The following YLPM1 variants were observed in gnomAD, a reference collection of about 807,000 sequenced individuals.
YLPM1 encodes YLP motif-containing protein 1.
Under a neutral mutation model 230.0 loss-of-function variants are expected in YLPM1, and 99 were observed. The observed-to-expected ratio is 0.43, with a 90% CI of 0.37 to 0.51. YLPM1 has a LOEUF of 0.51. YLPM1 is among the 20% of genes least tolerant of loss of function. YLPM1 has a pLI of 0.00. For synonymous variants in YLPM1, 984 were observed against 942.5 expected, an observed-to-expected ratio of 1.04 and a Z score of -0.81; for missense variants, 2,592 against 2,707.7, an observed-to-expected ratio of 0.96 and a Z score of 0.95.
chr14:74,764,155 G>C lies in YLPM1; in HGVS notation c.666G>C (p.Gln222His). ...CGCAATCCTATTTGAGCCATTCCCA[G>C]TCCTACTTGCCCTCTTCTCAGGCAT... ...SSSQSYLSHS[Q>H]SYLPSSQASP... The change falls in exon 1 of 21, where the codon CAG becomes CAC. Residue 222 changes from glutamine to histidine, a missense_variant. This residue lies in a region of YLPM1 where 1,862 missense variants were observed against 1,819.8 expected (regional missense o/e 1.02). Coordinates refer to ENST00000325680, the MANE Select transcript of YLPM1 (RefSeq NM_019589.3). 6.2e-7 allele frequency: 1 copy of C among 1,612,980 alleles called. No individual in the cohort carries two copies. Among genetic ancestry groups the C allele is most frequent in the Non-Finnish European group, 8.5e-7 (1 of 1,179,726 alleles).
chr14:74,829,702 T>C (rs1594848266), intron 19 of YLPM1, among the ~76,000 whole-genome samples: 1 of 151,970 alleles, frequency 6.6e-6, no homozygotes, highest in Non-Finnish European at 1.5e-5. Flanking sequence ...GGTCCAAAGG[T>C]AGATCAAGGG....
At chr14:74,815,864 C>T (rs774647504) in intron 11 of YLPM1, among the ~76,000 whole-genome samples, 1 of 151,964 alleles carries the variant, frequency 6.6e-6, no homozygotes, top group Non-Finnish European at 1.5e-5. Flanking sequence ...TCATTCATCT[C>T]AGAGTATTTT....
At chr14:74,805,453 C>G (rs1046396480) in intron 6 of YLPM1, among the ~76,000 whole-genome samples, 10 of 152,028 alleles carry the variant, frequency 6.6e-5, no homozygotes, top group Admixed American at 5.9e-4. Flanking sequence ...AAGTGATTCT[C>G]TCACCTCAGC....
intron 4 of YLPM1, among the ~76,000 whole-genome samples, chr14:74,795,188 G>T (rs1013602924): frequency 6.6e-6 from 1 of 152,202 alleles, no homozygotes; most frequent in Non-Finnish European, 1.5e-5. Context: ...GTTAGGGTCA[G>T]TTATCCCCAG....
At chr14:74,829,648 A>G (rs1463081319) in intron 19 of YLPM1, among the ~76,000 whole-genome samples, 1 of 152,260 alleles carries the variant, frequency 6.6e-6, no homozygotes, top group East Asian at 1.9e-4. Flanking sequence ...AGAGTAGGGT[A>G]TTGAAGAGAA....
chr14:74,811,519 C>T, intron 9 of YLPM1, 101 bp from the exon 10 acceptor site: 1 of 783,240 alleles, frequency 1.3e-6, no homozygotes, highest in East Asian at 2.9e-5. Flanking sequence ...TGTGGAGTAC[C>T]TTCCTATAGA....
intron 11 of YLPM1, among the ~76,000 whole-genome samples, chr14:74,814,929 G>A (rs1453959565): frequency 6.6e-6 from 1 of 152,132 alleles, no homozygotes; most frequent in Non-Finnish European, 1.5e-5. Context: ...TTGTTTATTT[G>A]TTCTTGAGTA....
intron 4 of YLPM1, among the ~76,000 whole-genome samples, chr14:74,792,651 GT>G (rs2091218177): frequency 6.6e-6 from 1 of 152,182 alleles, no homozygotes; most frequent in Admixed American, 6.5e-5. Flanking sequence ...AAATAATTAT[GT>G]TGCCCTTTTC....
At chr14:74,818,055 CA>C (rs199631116) in intron 15 of YLPM1, among the ~76,000 whole-genome samples, 175 bp from the exon 16 acceptor site, 39 of 134,080 alleles carry the variant, frequency 2.9e-4, no homozygotes, top group Admixed American at 2.2e-4. Flanking sequence ...GATTCTGTCT[CA>C]AAAAAAAAAA....
rs774077639 is a variant in YLPM1 at position 74,798,755 on chromosome 14, G to A, written c.3458G>A (p.Arg1153Gln). ...GGACCACCTCGAGGGCCTGGCAGTC[G>A]AGAAAGGGGACTGGGAAGATCAGAT... ...ERGPPRGPGS[R>Q]ERGLGRSDFG... Residue 1153 changes from arginine (R) to glutamine (Q), a missense_variant, in exon 5 of 21, where the codon CGA becomes CAA. This residue lies in a region of YLPM1 where 1,862 missense variants were observed against 1,819.8 expected (regional missense o/e 1.02). Transcript: ENST00000325680. The A allele has an allele frequency of 8.7e-6, 14 of 1,613,384 alleles. No homozygotes were observed. Among genetic ancestry groups the A allele is most frequent in the African/African-American group, 4.0e-5 (3 of 74,854 alleles).
At position 74,782,076 on chromosome 14, in the gene YLPM1, G is replaced by A. The variant is rs1459553271; in HGVS notation, c.2033G>A (p.Gly678Asp). ...CTGCTTCCTACTCCTGTGTCTTTTG[G>A]TTCTGCCCCACCGACAACTTACCAT... Reference protein sequence around the residue: ...PALLPTPVSFGSAPPTTYHPP... With the variant: ...PALLPTPVSFDSAPPTTYHPP... Residue 678 changes from glycine (G) to aspartate (D), a missense_variant, in exon 4 of 21, where the codon GGT becomes GAT. Physicochemically the swap from Gly to Asp is moderately conservative, Grantham distance 94. Transcript: ENST00000325680. 6.2e-7 allele frequency: 1 copy of A among 1,613,878 alleles called. No individual in the cohort carries two copies. Among genetic ancestry groups the A allele is most frequent in the East Asian group, 2.2e-5 (1 of 44,876 alleles).
rs896853368 is a variant in YLPM1 at position 74,827,596 on chromosome 14, G to A, written c.6164-1617G>A. The A allele has an allele frequency of 2.1e-5, 21 of 985,202 alleles. No homozygotes were observed. The African/African-American group carries it at 3.5e-4, about 16-fold the overall frequency. 61.0% of individuals were successfully genotyped at this position (985,202 alleles called of 1,614,324 possible). On this transcript the variant is annotated intron_variant, in intron 18 of 20. Transcript: ENST00000325680. ...CACTGCCCTTCTGTATTGCTGCCTG[G>A]CTGTGCTCTGTTGTTGGAACTGAAA...
intron 4 of YLPM1, among the ~76,000 whole-genome samples, chr14:74,791,444 C>A (rs1380488012): frequency 1.3e-5 from 2 of 152,188 alleles, no homozygotes; most frequent in African/African-American, 4.8e-5. Context: ...CCTTTCAACC[C>A]TTCTGCCATG....
chr14:74,770,183 A>T (rs577033702), intron 1 of YLPM1, among the ~76,000 whole-genome samples: 45 of 145,244 alleles, frequency 3.1e-4, no homozygotes, highest in Non-Finnish European at 3.7e-4. Flanking sequence ...CTCCGACTCA[A>T]AAAAAAAAAA....
At chr14:74,794,462 G>T (rs556271216) in intron 4 of YLPM1, among the ~76,000 whole-genome samples, 1 of 152,172 alleles carries the variant, frequency 6.6e-6, no homozygotes, top group Admixed American at 6.5e-5. Context: ...GATTACAGGC[G>T]TGAGCCACCG....
chr14:74,769,857 C>CCG lies in YLPM1; in HGVS notation c.873+5496_873+5497insGC, dbSNP rs1162678840. On this transcript the variant is annotated intron_variant, in intron 1 of 20. Coordinates refer to ENST00000325680, the MANE Select transcript of YLPM1 (RefSeq NM_019589.3). ...CTGGGCAACAAAGTGAGACACCCCC[C>CCG]CCCCCGCCCCCCGCCCACAAAAAGT... 7.9e-4 allele frequency among the ~76,000 whole-genome samples: 76 copies of CCG among 95,938 alleles called. 3 individuals are homozygous for CCG. Among genetic ancestry groups the CCG allele is most frequent in the African/African-American group, 2.6e-3 (71 of 27,186 alleles). 62.9% of individuals were successfully genotyped at this position (95,938 alleles called of 152,430 possible).
rs371392951 is a variant in YLPM1 at position 74,782,023 on chromosome 14, G to A, written c.1980G>A (p.Ser660=). The A allele has an allele frequency of 6.2e-6, 10 of 1,613,826 alleles. No homozygotes were observed. In the Middle Eastern group the frequency reaches 4.9e-4, roughly 80 times the overall value. ...PVPPASSSQS[S]QVPEKPRPAL... ...CACCAGCCTCCAGTTCACAGAGCTC[G>A]CAAGTTCCAGAGAAACCTAGACCAG... is the stretch of plus-strand genomic sequence containing the variant. The change falls in exon 4 of 21, where the codon TCG becomes TCA. Residue 660 remains serine (S), a synonymous_variant. Transcript: ENST00000325680.
Position 74,829,316 on chromosome 14 carries a change from T to G in YLPM1, c.6267T>G (p.Thr2089=), listed in dbSNP as rs775503902. The change falls in exon 19 of 21, where the codon ACT becomes ACG. Residue 2089 remains threonine, a synonymous_variant. Transcript: ENST00000325680. The part of the protein sequence containing the change: ...DYLQLPDDYD[T]RASEPGKKRV... ...TTCAGCTCCCCGATGATTATGATAC[T>G]CGTGCTTCTGAGCCTGGGAAGAAGA... The G allele has an allele frequency of 6.2e-7, 1 of 1,613,204 alleles. No homozygotes were observed. The highest frequency in any genetic ancestry group is 8.5e-7 in the Non-Finnish European group (1 of 1,179,304).
intron 5 of YLPM1, among the ~76,000 whole-genome samples, chr14:74,800,220 A>G (rs757986516): frequency 5.9e-5 from 9 of 152,364 alleles, no homozygotes; most frequent in Non-Finnish European, 1.0e-4. Flanking sequence ...CTTTCATTAT[A>G]ACTAAAAGCA....
Sources: gnomAD v4.1 joint callset for allele counts (sites outside exome capture counted in the v4.1 genomes callset) on GRCh38, gnomAD v4.1.1 for gene constraint, gnomAD v4.1.1 regional missense constraint, MANE v1.5 for transcripts, NCBI Gene and HGNC (gene_info 2026-07-23, HGNC 2026-07-21) for gene names.